Variants in C1QTNF7 observed in about 807,000 individuals in gnomAD.
The protein encoded by C1QTNF7 is C1q and TNF related 7.
A neutral mutation model predicts 19.6 loss-of-function variants in C1QTNF7; 15 were observed. That is an observed-to-expected ratio of 0.76 (90% CI 0.51 to 1.18). C1QTNF7 has a LOEUF of 1.18. Among genes scored for constraint, C1QTNF7 ranks in the 50% most tolerant of loss-of-function variants. The pLI, the probability that C1QTNF7 is intolerant of heterozygous loss-of-function variation, is 0.00. For missense variants in C1QTNF7, 324 were observed against 359.7 expected (o/e 0.90, Z 0.80); for synonymous variants, 142 against 137.5 (o/e 1.03, Z -0.23).
At chr4:15,424,384 C>T (rs1443141286), upstream of C1QTNF7, among the ~76,000 whole-genome samples, 1 of 152,160 alleles carries the variant, frequency 6.6e-6, no homozygotes, top group Non-Finnish European at 1.5e-5. Context: ...GTAAGTGCTA[C>T]TTGTATGATC....
chr4:15,437,378 A>G (rs1025200139), intron 2 of C1QTNF7, among the ~76,000 whole-genome samples: 4 of 152,030 alleles, frequency 2.6e-5, no homozygotes, highest in East Asian at 1.9e-4. Context: ...GGGAAAGAGT[A>G]CATGCAAAAC....
chr4:15,361,330 G>A (rs1445614056), intron 1 of C1QTNF7: 1 of 151,716 alleles, frequency 6.6e-6, no homozygotes, highest in African/African-American at 2.4e-5. Context: ...CACAACTAAT[G>A]GAATGATTAA....
At chr4:15,405,258 C>T (rs1309146657) in intron 1 of C1QTNF7, among the ~76,000 whole-genome samples, 1 of 151,894 alleles carries the variant, frequency 6.6e-6, no homozygotes, top group African/African-American at 2.4e-5. Context: ...AGCAGGCGGG[C>T]TCTACACTTG....
chr4:15,392,038 C>G (rs927205321), intron 1 of C1QTNF7, among the ~76,000 whole-genome samples: 1 of 152,064 alleles, frequency 6.6e-6, no homozygotes, highest in East Asian at 1.9e-4. Flanking sequence ...CAATAGTTAG[C>G]CAGCTGAAAG....
rs1712512508 is a variant in C1QTNF7 at position 15,435,833 on chromosome 4, C to G, written c.90C>G (p.Pro30=). Residue 30 remains proline (P), a synonymous_variant, in exon 2 of 3, where the codon CCC becomes CCG. Coordinates refer to ENST00000444304, the MANE Select transcript of C1QTNF7 (RefSeq NM_031911.5). ...GNQLKGENYS[P]RYICSIPGLP... is the part of the protein sequence containing the mutation. Reference sequence around the variant, plus strand: ...AGTTGAAAGGAGAGAACTACTCCCCCAGGTATATCTGCAGCATTCCTGGCT... The same window carrying G: ...AGTTGAAAGGAGAGAACTACTCCCCGAGGTATATCTGCAGCATTCCTGGCT... 3.7e-6 allele frequency: 6 copies of G among 1,614,006 alleles called. No homozygotes were observed. The highest frequency in any genetic ancestry group is 5.1e-6 in the Non-Finnish European group (6 of 1,180,046).
At chr4:15,365,148 A>C (rs982949595) in intron 1 of C1QTNF7, among the ~76,000 whole-genome samples, 2 of 152,118 alleles carry the variant, frequency 1.3e-5, no homozygotes, top group African/African-American at 4.8e-5. Flanking sequence ...GGTGTTTGGC[A>C]CCATATATAT....
intron 1 of C1QTNF7, among the ~76,000 whole-genome samples, chr4:15,395,490 C>T (rs1311727979): frequency 1.3e-5 from 2 of 152,268 alleles, no homozygotes; most frequent in East Asian, 3.9e-4. Flanking sequence ...ATACAACTGG[C>T]CCTGTGATGA....
chr4:15,436,675 A>G (rs1356367768), intron 2 of C1QTNF7, among the ~76,000 whole-genome samples: 3 of 152,198 alleles, frequency 2.0e-5, no homozygotes, highest in Middle Eastern at 3.2e-3. Context: ...TTTCCTCGCA[A>G]AATAAGTTGG....
intron 1 of C1QTNF7, among the ~76,000 whole-genome samples, chr4:15,415,157 T>C (rs550624359): frequency 3.3e-5 from 5 of 152,304 alleles, no homozygotes; most frequent in African/African-American, 1.2e-4. Flanking sequence ...GACTCTTTGC[T>C]TTCAAACTCC....
At position 15,442,749 on chromosome 4, in the gene C1QTNF7, T is replaced by C. The variant is rs746533641; in HGVS notation, c.820T>C (p.Tyr274His). 22 of 1,613,850 alleles carry C rather than the reference T, an allele frequency of 1.4e-5. No homozygotes were observed. Among genetic ancestry groups the C allele is most frequent in the Non-Finnish European group, 1.6e-5 (19 of 1,179,974 alleles). The change falls in exon 3 of 3, where the codon TAC (tyrosine) becomes CAC (histidine). Residue 274 changes from tyrosine to histidine, a missense_variant. Coordinates refer to ENST00000444304, the MANE Select transcript of C1QTNF7 (RefSeq NM_031911.5). Reference protein sequence around the residue: ...ADSLFSGFLLYVDTDYLDSIS... With the variant: ...ADSLFSGFLLHVDTDYLDSIS... ...CAGCTTATTCTCCGGGTTTCTCTTA[T>C]ACGTTGACACAGATTACCTAGATTC...
chr4:15,359,993 C>G (rs932815467), intron 1 of C1QTNF7, among the ~76,000 whole-genome samples: 9 of 152,330 alleles, frequency 5.9e-5, no homozygotes, highest in African/African-American at 2.2e-4. Flanking sequence ...CTCACGCTGT[C>G]TAGGCAGAGT....
intron 1 of C1QTNF7, among the ~76,000 whole-genome samples, chr4:15,421,464 C>T (rs73128192): frequency 2.0e-5 from 3 of 152,240 alleles, no homozygotes; most frequent in African/African-American, 7.2e-5. Flanking sequence ...GTAAGAGCAG[C>T]GGCAGCTATG....
At chr4:15,345,605 G>A (rs1716688647) in intron 1 of C1QTNF7, among the ~76,000 whole-genome samples, 1 of 152,100 alleles carries the variant, frequency 6.6e-6, no homozygotes, top group South Asian at 2.1e-4. Flanking sequence ...ACAGAAGGCT[G>A]GGCAACACTC....
chr4:15,436,119 C>G (rs1447490043), intron 2 of C1QTNF7, 138 bp downstream of exon 2: 1 of 1,232,676 alleles, frequency 8.1e-7, no homozygotes, highest in East Asian at 2.6e-5. Context: ...TTACTGAGCC[C>G]TTACTAGGCT....
intron 1 of C1QTNF7, among the ~76,000 whole-genome samples, chr4:15,402,985 T>G (rs1253511172): frequency 1.7e-4 from 5 of 28,700 alleles, no homozygotes; most frequent in African/African-American, 6.9e-4. Context: ...CTTTTTTCTG[T>G]TTTTTTTTTT....
At chr4:15,366,973 G>A (rs1284274054) in intron 1 of C1QTNF7, among the ~76,000 whole-genome samples, 1 of 152,118 alleles carries the variant, frequency 6.6e-6, no homozygotes, top group South Asian at 2.1e-4. Context: ...CTTGAGACTA[G>A]GTTCTTTTGA....
chr4:15,367,770 A>G (rs1185391432), intron 1 of C1QTNF7, among the ~76,000 whole-genome samples: 1 of 152,188 alleles, frequency 6.6e-6, no homozygotes, highest in Non-Finnish European at 1.5e-5. Flanking sequence ...AGAAGAATCA[A>G]TGAACTTTGC....
intron 1 of C1QTNF7, among the ~76,000 whole-genome samples, chr4:15,359,410 C>G (rs1717259724): frequency 6.6e-6 from 1 of 152,080 alleles, no homozygotes; most frequent in Admixed American, 6.5e-5. Context: ...TGTCTGGGAA[C>G]TCAATGGGTA....
chr4:15,389,811 AG>A (rs1718487349), intron 1 of C1QTNF7, among the ~76,000 whole-genome samples: 1 of 152,204 alleles, frequency 6.6e-6, no homozygotes, highest in Non-Finnish European at 1.5e-5. Flanking sequence ...TGAGAGGCAC[AG>A]GTGCATTGGT....
Sources: gnomAD v4.1 joint callset for allele counts (sites outside exome capture counted in the v4.1 genomes callset) on GRCh38, gnomAD v4.1.1 for gene constraint, MANE v1.5 for transcripts, NCBI Gene and HGNC (gene_info 2026-07-23, HGNC 2026-07-21) for gene names.